MYT1L: variants seen among roughly 807,000 people sequenced by gnomAD.
MYT1L encodes myelin transcription factor 1 like, also known as myelin transcription factor 1-like protein.
In MYT1L, 12 loss-of-function variants were observed where a neutral mutation model predicts 126.7. That is an observed-to-expected ratio of 0.09 (90% CI 0.06 to 0.15). MYT1L has a LOEUF of 0.15. MYT1L is among the 10% of genes least tolerant of loss of function. The pLI is 1.00. For synonymous variants in MYT1L, 541 were observed against 604.2 expected (o/e 0.90, Z 1.53); for missense variants, 979 against 1,585.2 (o/e 0.62, Z 6.49).
At chr2:2,251,251 G>C (rs1210385198) in intron 2 of MYT1L, among the ~76,000 whole-genome samples, 1 of 151,952 alleles carries the variant, frequency 6.6e-6, no homozygotes, top group Non-Finnish European at 1.5e-5. Flanking sequence ...TCTTTAATTT[G>C]CTTACAATGA....
intron 2 of MYT1L, among the ~76,000 whole-genome samples, chr2:2,277,845 A>G (rs1477628164): frequency 6.6e-6 from 1 of 152,192 alleles, no homozygotes; most frequent in Non-Finnish European, 1.5e-5. Flanking sequence ...AAGCTACCTA[A>G]TCAATTAACA....
intron 8 of MYT1L, among the ~76,000 whole-genome samples, chr2:1,946,194 C>T (rs942326524): frequency 5.9e-5 from 9 of 151,676 alleles, no homozygotes; most frequent in African/African-American, 1.7e-4. Flanking sequence ...GAATCTAATG[C>T]CTGATGATCT....
At chr2:2,008,279 T>C (rs1388584620) in intron 4 of MYT1L, among the ~76,000 whole-genome samples, 1 of 152,234 alleles carries the variant, frequency 6.6e-6, no homozygotes, top group Non-Finnish European at 1.5e-5. Flanking sequence ...GAGGTTGATT[T>C]GAGTTAATAA....
intron 18 of MYT1L, chr2:1,886,255 A>C: frequency 3.2e-6 from 1 of 312,250 alleles, no homozygotes. Context: ...TCCCTTCCAT[A>C]TGCATGCATA....
At chr2:2,158,456 T>A (rs1236640433) in intron 3 of MYT1L, among the ~76,000 whole-genome samples, 1 of 152,208 alleles carries the variant, frequency 6.6e-6, no homozygotes, top group African/African-American at 2.4e-5. Context: ...CTATCACAAA[T>A]GCGCACCATG....
intron 3 of MYT1L, among the ~76,000 whole-genome samples, chr2:2,078,625 A>G (rs2150297699): frequency 6.6e-6 from 1 of 152,348 alleles, no homozygotes; most frequent in African/African-American, 2.4e-5. Context: ...AGGTTCAATG[A>G]GTCAAGAAGA....
intron 13 of MYT1L, among the ~76,000 whole-genome samples, chr2:1,904,155 C>T (rs1304196251): frequency 1.3e-5 from 2 of 152,192 alleles, no homozygotes; most frequent in African/African-American, 4.8e-5. Context: ...GTATGGAGTT[C>T]TTTCCTAAAC....
chr2:1,871,422 T>C (rs1285257398), intron 18 of MYT1L, among the ~76,000 whole-genome samples: 1 of 152,232 alleles, frequency 6.6e-6, no homozygotes, highest in Non-Finnish European at 1.5e-5. Flanking sequence ...GGGATACCAA[T>C]TCATGCCCTG....
intron 2 of MYT1L, among the ~76,000 whole-genome samples, chr2:2,182,649 T>G (rs1325158036): frequency 6.6e-6 from 1 of 152,174 alleles, no homozygotes; most frequent in Non-Finnish European, 1.5e-5. Context: ...AAGCACAGCA[T>G]GCGCTTTGCA....
intron 19 of MYT1L, chr2:1,842,066 C>T (rs2041802363): frequency 6.6e-6 from 1 of 152,276 alleles, no homozygotes; most frequent in Non-Finnish European, 1.5e-5. Context: ...AATCTCCTGC[C>T]ATGCTATTGG....
chr2:2,216,567 G>T (rs938179377), intron 2 of MYT1L, among the ~76,000 whole-genome samples: 6 of 152,128 alleles, frequency 3.9e-5, no homozygotes, highest in Admixed American at 3.9e-4. Context: ...TATCAGAAAA[G>T]AACAAGTATC....
Position 1,887,580 on chromosome 2 carries a change from A to C in MYT1L, c.2550T>G (p.Ala850=). The part of the protein sequence containing the change: ...TPEDLDPFQE[A]LEERRYPGEV... Reference sequence around the variant, plus strand: ...CCCCGGGATACCGTCTTTCTTCTAGAGCCTCCTGGAATGGGTCCAAGTCTT... The same window carrying C: ...CCCCGGGATACCGTCTTTCTTCTAGCGCCTCCTGGAATGGGTCCAAGTCTT... The change falls in exon 17 of 25, where the codon GCT becomes GCG. Residue 850 remains alanine, a synonymous_variant. Transcript: ENST00000647738. This position sits in a 1 kb window ranked among gnomAD's most constrained non-coding sequence, Gnocchi z 4.8. 1 of 1,613,920 alleles carries C rather than the reference A, an allele frequency of 6.2e-7. No homozygotes were observed. The highest frequency in any genetic ancestry group is 8.5e-7 in the Non-Finnish European group (1 of 1,179,886).
chr2:2,295,946 G>C (rs929306582), intron 1 of MYT1L, among the ~76,000 whole-genome samples: 2 of 151,162 alleles, frequency 1.3e-5, no homozygotes, highest in African/African-American at 2.4e-5. Context: ...GGGGAGGAGA[G>C]AGAGGTAGAG....
chr2:2,241,661 A>G (rs2149143244), intron 2 of MYT1L, among the ~76,000 whole-genome samples: 1 of 152,312 alleles, frequency 6.6e-6, no homozygotes, highest in Non-Finnish European at 1.5e-5. Flanking sequence ...GCTGCAAGCA[A>G]GATATATGTA....
intron 2 of MYT1L, among the ~76,000 whole-genome samples, chr2:2,240,521 G>C (rs1011467560): frequency 6.6e-6 from 1 of 152,094 alleles, no homozygotes; most frequent in Non-Finnish European, 1.5e-5. Flanking sequence ...TTGCTACTTT[G>C]AAATAGTACA....
chr2:1,792,739 G>C (rs560258064), intron 23 of MYT1L, among the ~76,000 whole-genome samples: 3 of 151,914 alleles, frequency 2.0e-5, no homozygotes, highest in African/African-American at 7.3e-5. Flanking sequence ...GCGTGGTGGC[G>C]TGCGCCTGTA....
intron 3 of MYT1L, among the ~76,000 whole-genome samples, chr2:2,088,468 G>A (rs750197598): frequency 6.6e-6 from 1 of 152,096 alleles, no homozygotes; most frequent in Non-Finnish European, 1.5e-5. Flanking sequence ...TGTTGGCCTG[G>A]GCATCACTAG....
At chr2:1,896,374 C>A (rs1030717544) in intron 14 of MYT1L, among the ~76,000 whole-genome samples, 2 of 152,196 alleles carry the variant, frequency 1.3e-5, no homozygotes, top group Admixed American at 1.3e-4. Flanking sequence ...ACCAGAAAGA[C>A]ACATGCACTC....
intron 12 of MYT1L, among the ~76,000 whole-genome samples, chr2:1,911,505 T>C (rs961064923): frequency 5.3e-5 from 8 of 152,136 alleles, no homozygotes; most frequent in Admixed American, 1.3e-4. Flanking sequence ...TCTGAGTCCA[T>C]TGGTTAGCAG....
Sources: allele counts gnomAD v4.1 joint callset (sites outside exome capture counted in the v4.1 genomes callset), GRCh38; gene constraint gnomAD v4.1.1; non-coding constraint Gnocchi (gnomAD v3.1); transcripts MANE v1.5; gene names NCBI Gene and HGNC (gene_info 2026-07-23, HGNC 2026-07-21).